TAF1: variants seen among roughly 807,000 people sequenced by gnomAD.
The protein encoded by TAF1 is transcription initiation factor TFIID subunit 1.
In TAF1, 2 loss-of-function variants were observed where a neutral mutation model predicts 138.5. The ratio of observed to expected loss-of-function variants is 0.01; its 90% CI spans 0.01 to 0.05. The LOEUF is 0.05. TAF1 is among the 10% of genes least tolerant of loss of function. TAF1 has a pLI of 1.00. For synonymous variants in TAF1, 437 were observed against 503.2 expected, an observed-to-expected ratio of 0.87 and a Z score of 1.76; for missense variants, 709 against 1,478.0, an observed-to-expected ratio of 0.48 and a Z score of 8.53.
chrX:71,384,490 A>T (rs112117976), intron 13 of TAF1, among the ~76,000 whole-genome samples: 3 of 109,105 alleles, frequency 2.7e-5, no homozygotes, highest in Middle Eastern at 9.4e-3. Flanking sequence ...CACTCACTGC[A>T]ACCTCCACCT....
At chrX:71,421,697 G>A (rs1335536270) in intron 29 of TAF1, among the ~76,000 whole-genome samples, 1 of 112,082 alleles carries the variant, frequency 8.9e-6, no homozygotes, top group African/African-American at 3.2e-5. Context: ...GTAGCTAAGA[G>A]ACCAGTCAAT....
intron 28 of TAF1, chrX:71,413,760 C>A (rs1266814940): frequency 9.0e-6 from 1 of 111,448 alleles, no homozygotes; most frequent in Non-Finnish European, 1.9e-5. Flanking sequence ...AAATCATAGT[C>A]ATAATTTATT....
intron 25 of TAF1, among the ~76,000 whole-genome samples, chrX:71,402,088 T>A (rs1305755393): frequency 8.9e-6 from 1 of 111,732 alleles, no homozygotes; most frequent in Non-Finnish European, 1.9e-5. Flanking sequence ...GTTCTACTTC[T>A]AGACACTTAT....
intron 18 of TAF1, among the ~76,000 whole-genome samples, chrX:71,391,339 C>T (rs1206662732): frequency 9.0e-6 from 1 of 111,014 alleles, no homozygotes; most frequent in Admixed American, 9.7e-5. Flanking sequence ...GTACTACTCT[C>T]TTGAGGTTGG....
Position 71,453,176 on chromosome X carries a change from C to T in TAF1, c.4754-994C>T, listed in dbSNP as rs371613641. On this transcript the variant is annotated intron_variant, in intron 32 of 37. Transcript: ENST00000423759. Reference sequence around the variant, plus strand: ...ACCAGTTGGTTTGTTTTTAGAGCAGCTTTAGTTCATGGCAAAATTGAGCAG... The same window carrying T: ...ACCAGTTGGTTTGTTTTTAGAGCAGTTTTAGTTCATGGCAAAATTGAGCAG... 2.8e-4 allele frequency among the ~76,000 whole-genome samples: 31 copies of T among 111,431 alleles called. No individual in the cohort carries two copies. The South Asian group carries it at 0.012, about 42-fold the overall frequency.
rs2037952557 is a variant in TAF1, at chrX:71,451,375, G to C, written c.4754-2795G>C. 3.6e-5 allele frequency among the ~76,000 whole-genome samples: 4 copies of C among 111,488 alleles called. No homozygotes were observed. In the Admixed American group the frequency reaches 3.8e-4, roughly 11 times the overall value. ...ATAAATGTAAAAGAGTGTTTATAAA[G>C]TAATTTGGGAAATTTGACTCTTGGC... On this transcript the variant is annotated intron_variant, in intron 32 of 37. Coordinates refer to ENST00000423759, the MANE Select transcript of TAF1 (RefSeq NM_004606.5).
intron 13 of TAF1, among the ~76,000 whole-genome samples, chrX:71,489,228 A>G (rs1332501565): frequency 9.0e-6 from 1 of 110,990 alleles, no homozygotes; most frequent in African/African-American, 3.3e-5. Flanking sequence ...GAATTACTCA[A>G]TCTTGGCCAA....
At chrX:71,490,830 T>G (rs2039261334) in intron 13 of TAF1, among the ~76,000 whole-genome samples, 1 of 107,802 alleles carries the variant, frequency 9.3e-6, no homozygotes, top group Non-Finnish European at 1.9e-5. Flanking sequence ...CGGGTTCAAG[T>G]GATTCTCCTG....
chrX:71,384,940 T>C lies in TAF1; in HGVS notation c.2122-5T>C. On this transcript the variant is annotated splice_polypyrimidine_tract_variant and splice_region_variant and intron_variant, in intron 13 of 37. Transcript: ENST00000423759. ...AAATAACTGGGTCTTCTGTGTTCCT[T>C]ATAGAAACCTGGAAAAGATCCTGGA... 1.7e-6 allele frequency: 2 copies of C among 1,197,512 alleles called. No homozygotes were observed. Among genetic ancestry groups the C allele is most frequent in the Non-Finnish European group, 2.3e-6 (2 of 883,953 alleles).
chrX:71,442,116 C>T (rs777536052), intron 32 of TAF1, among the ~76,000 whole-genome samples: 402 of 111,561 alleles, frequency 3.6e-3, no homozygotes, highest in African/African-American at 0.013. Context: ...TGAATAGTGC[C>T]GCAATAAACA....
intron 14 of TAF1, 25 bp from the exon 15 acceptor site, chrX:71,387,236 A>G: frequency 1.7e-6 from 2 of 1,208,626 alleles, no homozygotes; most frequent in Non-Finnish European, 2.2e-6. Context: ...TCTGTATATA[A>G]TTTTTGTGTT....
intron 34 of TAF1, among the ~76,000 whole-genome samples, chrX:71,456,770 G>A (rs892133513): frequency 5.2e-5 from 5 of 96,708 alleles, no homozygotes; most frequent in Admixed American, 1.2e-4. Context: ...TCGCCTCCCG[G>A]GTTCAAGTGA....
chrX:71,403,288 CA>C (rs2035280729), intron 25 of TAF1, among the ~76,000 whole-genome samples: 1 of 111,722 alleles, frequency 9.0e-6, no homozygotes, highest in African/African-American at 3.3e-5. Context: ...CTCAGCTTCC[CA>C]AAGTGCTGTG....
intron 28 of TAF1, among the ~76,000 whole-genome samples, chrX:71,420,712 T>C (rs1184523497): frequency 8.8e-6 from 1 of 113,017 alleles, no homozygotes; most frequent in East Asian, 2.8e-4. Flanking sequence ...CCTCCTCCTC[T>C]TGGCTGCCAG....
chrX:71,464,487 C>T lies in TAF1; in HGVS notation c.*441C>T, dbSNP rs1189588099. ...TGGGAGGCCGAGGCGGGCAGATCACCTGAGGTCAGAAGTTCGAGACCAGCT... is the reference window on the plus strand; with the variant it reads ...TGGGAGGCCGAGGCGGGCAGATCACTTGAGGTCAGAAGTTCGAGACCAGCT... On this transcript the variant is annotated 3_prime_UTR_variant, in exon 38 of 38. Transcript: ENST00000423759. 6 of 295,641 alleles carry T rather than the reference C, an allele frequency of 2.0e-5. No individual in the cohort carries two copies. Among genetic ancestry groups the T allele is most frequent in the African/African-American group, 5.5e-5 (2 of 36,209 alleles). The allele number at this position is 295,641 out of a possible 1,213,427, so 24.4% of individuals were successfully genotyped here.
intron 25 of TAF1, among the ~76,000 whole-genome samples, chrX:71,404,706 CATCTT>C (rs986423091): frequency 4.5e-5 from 5 of 111,058 alleles, no homozygotes; most frequent in African/African-American, 1.6e-4. Flanking sequence ...CTTTTTTTCT[CATCTT>C]CCCTTATTTC....
intron 28 of TAF1, among the ~76,000 whole-genome samples, chrX:71,420,855 C>T (rs1602616413): frequency 8.9e-6 from 1 of 112,467 alleles, no homozygotes; most frequent in East Asian, 2.8e-4. Flanking sequence ...GACTCCAGGC[C>T]GTTCCCGTAG....
At chrX:71,483,768 C>CTATATATA (rs1456164128) in intron 13 of TAF1, among the ~76,000 whole-genome samples, 2 of 77,515 alleles carry the variant, frequency 2.6e-5, no homozygotes, top group African/African-American at 1.1e-4. Context: ...CTCTCTCTCT[C>CTATATATA]TCTCTCTCTC....
At chrX:71,384,545 G>T in intron 13 of TAF1, among the ~76,000 whole-genome samples, 1 of 110,516 alleles carries the variant, frequency 9.0e-6, no homozygotes, top group Non-Finnish European at 1.9e-5. Context: ...TGAGTAGCTG[G>T]ACTACAGGCG....
Sources: gnomAD v4.1 joint callset for allele counts (sites outside exome capture counted in the v4.1 genomes callset) on GRCh38, gnomAD v4.1.1 for gene constraint, MANE v1.5 for transcripts, NCBI Gene and HGNC (gene_info 2026-07-23, HGNC 2026-07-21) for gene names.